Variants in MBOAT7 observed in about 807,000 individuals in gnomAD.
MBOAT7 encodes membrane-bound acylglycerophosphatidylinositol O-acyltransferase MBOAT7.
MBOAT7 carries 40 observed loss-of-function variants against 47.4 expected under a neutral mutation model. The observed-to-expected ratio is 0.84, with a 90% CI of 0.66 to 1.10. The LOEUF (loss-of-function observed/expected upper bound fraction) is 1.10, where lower values mean the gene tolerates loss of function less well. Among genes scored for constraint, MBOAT7 ranks in the 50% least tolerant of loss-of-function variants. MBOAT7 has a pLI of 0.00. For synonymous variants in MBOAT7, 361 were observed against 292.0 expected, an observed-to-expected ratio of 1.24 and a Z score of -2.41; for missense variants, 680 against 655.6, an observed-to-expected ratio of 1.04 and a Z score of -0.41.
intron 4 of MBOAT7, among the ~76,000 whole-genome samples, 160 bp from the exon 5 acceptor site, chr19:54,183,840 C>A (rs148958720): frequency 1.3e-5 from 2 of 152,304 alleles, no homozygotes; most frequent in South Asian, 2.1e-4. Context: ...CGGTGTTCCC[C>A]AGGGCTCAGT....
In MBOAT7 at chr19:54,189,422, G is replaced by A. The variant is rs2076567815; in HGVS notation, c.-88C>T. On this transcript the variant is annotated 5_prime_UTR_variant, in exon 1 of 8. Transcript: ENST00000245615. ...TCCGGCCACGCCTCCCCCGCCCAGC[G>A]CGCCCCCGCGCCGCCTGCTCCTTCT... 6.5e-6 allele frequency: 1 copy of A among 153,054 alleles called. No individual in the cohort carries two copies. Among genetic ancestry groups the A allele is most frequent in the Non-Finnish European group, 1.5e-5 (1 of 68,588 alleles). The allele number at this position is 153,054 out of a possible 1,614,324, so 9.5% of individuals were successfully genotyped here. A position where few individuals can be genotyped will look rare whatever the true frequency, so the allele number is the denominator to read the frequency against.
chr19:54,182,037 GGGAA>G (rs895231405), intron 5 of MBOAT7, among the ~76,000 whole-genome samples: 7 of 146,700 alleles, frequency 4.8e-5, no homozygotes, highest in African/African-American at 1.0e-4. Context: ...GAAGGAAGGA[GGGAA>G]GGAAGGAAGA....
chr19:54,182,452 T>C (rs890341735), intron 5 of MBOAT7, among the ~76,000 whole-genome samples: 1 of 151,412 alleles, frequency 6.6e-6, no homozygotes, highest in African/African-American at 2.4e-5. Flanking sequence ...TGGTCATGTC[T>C]GCACAACTCG....
At chr19:54,177,905 T>TTG (rs2076154612) in intron 7 of MBOAT7, among the ~76,000 whole-genome samples, 1 of 55,132 alleles carries the variant, frequency 1.8e-5, no homozygotes, top group African/African-American at 6.1e-5. Context: ...CTTCTGTTTT[T>TTG]TTTTTTTTTT....
Position 54,181,123 on chromosome 19 carries a change from GAAGA to G in MBOAT7, c.500_503del (p.Phe167SerfsTer67), listed in dbSNP as rs1465722487. 6.9e-7 allele frequency: 1 copy of G among 1,444,102 alleles called. No individual in the cohort carries two copies. The allele number at this position is 1,444,102 out of a possible 1,614,324, so 89.5% of individuals were successfully genotyped here. The stretch of plus-strand genomic sequence containing the variant: ...GCCAGTCCAGGTAGGTGCGGTAGCG[GAAGA>G]ACGGGCCTGTGGGGCGGGGAGGGAG... On this transcript the variant is annotated frameshift_variant, in exon 6 of 8. Transcript: ENST00000245615. LOFTEE classifies it high-confidence loss of function.
At chr19:54,177,358 C>T (rs11084314) in intron 7 of MBOAT7, among the ~76,000 whole-genome samples, 36,484 of 151,172 alleles carry the variant, frequency 0.24, 4,808 homozygotes, top group Non-Finnish European at 0.3. Flanking sequence ...TGCAGTGGCG[C>T]GATCTCGGCT....
intron 4 of MBOAT7, among the ~76,000 whole-genome samples, chr19:54,185,836 C>T (rs1417044827): frequency 1.3e-5 from 2 of 151,726 alleles, no homozygotes; most frequent in Non-Finnish European, 2.9e-5. Flanking sequence ...GCTGGGATTA[C>T]AGGTGTGAGC....
intron 7 of MBOAT7, among the ~76,000 whole-genome samples, chr19:54,175,419 A>T (rs2076079922): frequency 6.6e-6 from 1 of 152,182 alleles, no homozygotes; most frequent in South Asian, 2.1e-4. Context: ...CCAAGTTAAC[A>T]AGTCCTCCAG....
chr19:54,183,901 A>G (rs1458260594), intron 4 of MBOAT7, among the ~76,000 whole-genome samples: 1 of 152,124 alleles, frequency 6.6e-6, no homozygotes, highest in African/African-American at 2.4e-5. Flanking sequence ...CTCTCACGCA[A>G]TCACGGAGGT....
rs1287663540 is a variant in MBOAT7, at chr19:54,188,434, G to C, written c.75C>G (p.Ala25=). 6.4e-7 allele frequency: 1 copy of C among 1,563,094 alleles called. No individual in the cohort carries two copies. Among genetic ancestry groups the C allele is most frequent in the Non-Finnish European group, 8.7e-7 (1 of 1,152,782 alleles). The change falls in exon 2 of 8, where the codon GCC becomes GCG. Residue 25 remains alanine, a splice_region_variant and synonymous_variant. Coordinates refer to ENST00000245615, the MANE Select transcript of MBOAT7 (RefSeq NM_024298.5). ...CACTGGGGAGGGAGCCTGACTCACC[G>C]GCTTTCTTAAAGAGGAAGCCGATGG... ...SIPIGFLFKK[A]GPGLKRWGAA... is the part of the protein sequence containing the mutation.
chr19:54,181,378 C>T (rs1001532456), intron 5 of MBOAT7, among the ~76,000 whole-genome samples: 27 of 151,894 alleles, frequency 1.8e-4, no homozygotes, highest in East Asian at 9.8e-4. Flanking sequence ...ACAGAGGGGC[C>T]GGTGCGGTGG....
intron 4 of MBOAT7, among the ~76,000 whole-genome samples, chr19:54,184,725 A>C (rs2076383771): frequency 6.6e-6 from 1 of 152,072 alleles, no homozygotes; most frequent in Non-Finnish European, 1.5e-5. Context: ...CAACATGGAA[A>C]AACCCTGTCT....
chr19:54,184,766 T>C (rs1325883687), intron 4 of MBOAT7, among the ~76,000 whole-genome samples: 1 of 151,804 alleles, frequency 6.6e-6, no homozygotes, highest in East Asian at 1.9e-4. Context: ...TAGCCGGGCA[T>C]GGTGGTGAGT....
chr19:54,175,864 ACAGGTGCCCAC>A (rs2076092575), intron 7 of MBOAT7, among the ~76,000 whole-genome samples: 1 of 152,174 alleles, frequency 6.6e-6, no homozygotes, highest in South Asian at 2.1e-4. Context: ...AGCTGGGACT[ACAGGTGCCCAC>A]CACCATGCCA....
chr19:54,176,095 T>C (rs913391200), intron 7 of MBOAT7, among the ~76,000 whole-genome samples: 2 of 152,160 alleles, frequency 1.3e-5, no homozygotes, highest in Admixed American at 1.3e-4. Context: ...GACCTTGTGA[T>C]CCACCCACCT....
At position 54,174,281 on chromosome 19, in the gene MBOAT7, G is replaced by A. The variant is rs1332730591; in HGVS notation, c.1182C>T (p.Ala394=). The A allele has an allele frequency of 1.2e-5, 19 of 1,612,642 alleles. No homozygotes were observed. The highest frequency in any genetic ancestry group is 2.7e-5 in the African/African-American group (2 of 74,868). ...RGRLSPGGQK[A]WDWVHWFLKM... is the part of the protein sequence containing the mutation. ...TCAGGAACCAGTGCACCCAGTCCCA[G>A]GCCTTCTGGCCCCCTGGGCTCAGCC... is the stretch of plus-strand genomic sequence containing the variant. Residue 394 remains alanine (A), a synonymous_variant, in exon 8 of 8, where the codon GCC becomes GCT. Coordinates refer to ENST00000245615, the MANE Select transcript of MBOAT7 (RefSeq NM_024298.5).
chr19:54,184,929 G>A (rs889280331), intron 4 of MBOAT7, among the ~76,000 whole-genome samples: 2 of 137,778 alleles, frequency 1.5e-5, no homozygotes, highest in African/African-American at 5.3e-5. Context: ...AAAATTTAGG[G>A]CCAGGTGTGA....
intron 4 of MBOAT7, among the ~76,000 whole-genome samples, chr19:54,185,688 T>C (rs1169047474): frequency 1.4e-5 from 2 of 146,296 alleles, no homozygotes; most frequent in African/African-American, 5.6e-5. Flanking sequence ...ACGAGTTTTC[T>C]TTCTTTTCTT....
rs1240560032 is a variant in MBOAT7, at chr19:54,180,831, C to G, written c.796G>C (p.Val266Leu). The G allele has an allele frequency of 1.3e-6, 2 of 1,571,984 alleles. No individual in the cohort carries two copies. Among genetic ancestry groups the G allele is most frequent in the Non-Finnish European group, 1.7e-6 (2 of 1,162,526 alleles). The change falls in exon 6 of 8, where the codon GTG becomes CTG. Residue 266 changes from valine to leucine, a missense_variant. By Grantham distance (32) the Val-to-Leu change is conservative. Coordinates refer to ENST00000245615, the MANE Select transcript of MBOAT7 (RefSeq NM_024298.5). This position sits in a 1 kb window ranked among gnomAD's most constrained non-coding sequence, Gnocchi z 5.2. ...CIAAGFGAYP[V>L]AAKARAGGGP... ...CCTCCGGCCCGGGCTTTGGCGGCCA[C>G]GGGGTAGGCCCCAAAGCCGGCGGCA... is the stretch of plus-strand genomic sequence containing the variant.
Sources: allele counts gnomAD v4.1 joint callset (sites outside exome capture counted in the v4.1 genomes callset), GRCh38; gene constraint gnomAD v4.1.1; non-coding constraint Gnocchi (gnomAD v3.1); transcripts MANE v1.5; gene names NCBI Gene and HGNC (gene_info 2026-07-23, HGNC 2026-07-21).